The following FAM98C variants were observed in gnomAD, a reference collection of about 807,000 sequenced individuals.
The protein encoded by FAM98C is tRNA splicing ligase complex subunit 3C, also known as protein FAM98C.
Under a neutral mutation model 41.1 loss-of-function variants are expected in FAM98C, and 38 were observed. That is an observed-to-expected ratio of 0.92 (90% CI 0.71 to 1.21). The LOEUF is 1.21. FAM98C is among the 50% of genes most tolerant of loss of function. The pLI, the probability that FAM98C is intolerant of heterozygous loss-of-function variation, is 0.00. For synonymous variants in FAM98C, 195 were observed against 216.7 expected (o/e 0.90, Z 0.88); for missense variants, 493 against 484.7 (o/e 1.02, Z -0.16).
chr19:38,404,975 T>C lies in FAM98C; in HGVS notation c.417T>C (p.Pro139=). Residue 139 remains proline, a synonymous_variant, in exon 4 of 8, where the codon CCT becomes CCC. Transcript: ENST00000252530. ...LCLRSLLDPS[P]RPPLGEGVVE... ...TCCGCTCTCTGCTGGATCCGAGTCC[T>C]AGGCCACCCCTTGGTGAAGGGGTAG... The C allele has an allele frequency of 6.2e-7, 1 of 1,614,168 alleles. No homozygotes were observed. Among genetic ancestry groups the C allele is most frequent in the Non-Finnish European group, 8.5e-7 (1 of 1,180,032 alleles).
chr19:38,406,830 T>C (rs553019847), intron 6 of FAM98C, 80 bp from the exon 7 acceptor site: 2 of 1,452,080 alleles, frequency 1.4e-6, no homozygotes, highest in African/African-American at 2.8e-5. Context: ...TCTTGAATGG[T>C]AAAGTAATGC....
Position 38,403,265 on chromosome 19 carries a change from TG to T in FAM98C, c.65+48del, listed in dbSNP as rs1970990147. The T allele has an allele frequency of 3.9e-6, 6 of 1,536,666 alleles. No homozygotes were observed. The East Asian group carries it at 1.6e-4, about 40-fold the overall frequency. ...CTGGTGGGTGCAGGAAGGCCAGGTCTGCCCCCTGGACGCGGACGAAAAGGGA... is the reference window on the plus strand; with the variant it reads ...CTGGTGGGTGCAGGAAGGCCAGGTCTCCCCCTGGACGCGGACGAAAAGGGA... On this transcript the variant is annotated intron_variant, in intron 1 of 7. Transcript: ENST00000252530.
chr19:38,403,360 G>T lies in FAM98C; in HGVS notation c.88G>T (p.Ala30Ser), dbSNP rs1970992282. 2.7e-6 allele frequency: 4 copies of T among 1,469,010 alleles called. No individual in the cohort carries two copies. The East Asian group carries it at 1.1e-4, about 41-fold the overall frequency. The allele number at this position is 1,469,010 out of a possible 1,614,324, so 91.0% of individuals were successfully genotyped here. The change falls in exon 2 of 8, where the codon GCG becomes TCG. Residue 30 changes from alanine to serine, a missense_variant. By Grantham distance (99) the Ala-to-Ser change is moderately conservative (BLOSUM62 1). Coordinates refer to ENST00000252530, the MANE Select transcript of FAM98C (RefSeq NM_174905.4). Reference protein sequence around the residue: ...ALGYGGVPGAASRGASCPDFR... With the variant: ...ALGYGGVPGASSRGASCPDFR... ...CAGGTATGGAGGTGTCCCGGGGGCG[G>T]CGTCGCGGGGCGCCTCATGCCCAGA...
rs201635019 is a variant in FAM98C at position 38,405,402 on chromosome 19, C to T, written c.614C>T (p.Ser205Leu). The T allele has an allele frequency of 7.6e-4, 1,219 of 1,614,104 alleles. No homozygotes were observed. Among genetic ancestry groups the T allele is most frequent in the Non-Finnish European group, 9.6e-4 (1,128 of 1,180,012 alleles). ...PGSLQPLLSC[S>L]LDAPRWEALE... ...TCCCTGCAGCCCCTCCTCAGCTGCTCGCTAGATGCACCCAGATGGGTAAGA... is the reference window on the plus strand; with the variant it reads ...TCCCTGCAGCCCCTCCTCAGCTGCTTGCTAGATGCACCCAGATGGGTAAGA... Residue 205 changes from serine (S) to leucine (L), a missense_variant, in exon 5 of 8, where the codon TCG becomes TTG. Physicochemically the swap from Ser to Leu is moderately radical, Grantham distance 145 (BLOSUM62 -2). Transcript: ENST00000252530.
Position 38,409,049 on chromosome 19 carries a change from A to C in FAM98C, c.*167A>C. On this transcript the variant is annotated 3_prime_UTR_variant, in exon 8 of 8. Transcript: ENST00000252530. ...GCTCCCATTCACGTCAATACCAAGAACCATGTTCTCCAGAGAATAAATTTA... is the reference window on the plus strand; with the variant it reads ...GCTCCCATTCACGTCAATACCAAGACCCATGTTCTCCAGAGAATAAATTTA... 1.8e-6 allele frequency: 1 copy of C among 559,626 alleles called. No homozygotes were observed. Among genetic ancestry groups the C allele is most frequent in the Non-Finnish European group, 2.8e-6 (1 of 351,852 alleles). 34.7% of individuals were successfully genotyped at this position (559,626 alleles called of 1,614,324 possible).
At chr19:38,405,260 G>C (rs1971022548) in intron 4 of FAM98C, 84 bp from the exon 5 acceptor site, 2 of 1,531,810 alleles carry the variant, frequency 1.3e-6, no homozygotes, top group Non-Finnish European at 1.8e-6. Flanking sequence ...CTGTGGCCTA[G>C]GTCCTCAGGG....
chr19:38,406,250 C>T (rs1214671973), intron 6 of FAM98C: 1 of 152,560 alleles, frequency 6.6e-6, no homozygotes, highest in African/African-American at 2.4e-5. Flanking sequence ...CAACCTCCGC[C>T]TCCTGGGTTC....
chr19:38,407,265 T>C, intron 7 of FAM98C, 188 bp downstream of exon 7: 1 of 618,956 alleles, frequency 1.6e-6, no homozygotes, highest in Non-Finnish European at 2.8e-6. Context: ...CGTGGCTCCC[T>C]AATGATCTGA....
At position 38,408,832 on chromosome 19, in the gene FAM98C, G is replaced by A. The variant is rs1971096451; in HGVS notation, c.1000G>A (p.Glu334Lys). 6.2e-7 allele frequency: 1 copy of A among 1,607,090 alleles called. No individual in the cohort carries two copies. Among genetic ancestry groups the A allele is most frequent in the Non-Finnish European group, 8.5e-7 (1 of 1,177,970 alleles). ...PPMPTWRSRR[E>K]DGGPQCWGRK... The stretch of plus-strand genomic sequence containing the variant: ...CATGCCCACCTGGAGGAGCCGAAGA[G>A]AGGATGGAGGCCCCCAGTGTTGGGG... Residue 334 changes from glutamate to lysine, a missense_variant, in exon 8 of 8, where the codon GAG becomes AAG. Transcript: ENST00000252530.
At chr19:38,408,628 C>A in intron 7 of FAM98C, 123 bp from the exon 8 acceptor site, 1 of 1,265,188 alleles carries the variant, frequency 7.9e-7, no homozygotes, top group Non-Finnish European at 1.1e-6. Flanking sequence ...CTCCCCCAGC[C>A]ACTGTACTCA....
rs1338597910 is a variant in FAM98C, at chr19:38,407,008, C to T, written c.849C>T (p.Ala283=). ...ISIAHVLAAR[A]DLSCLVPATS... Reference sequence around the variant, plus strand: ...TTGCACACGTTCTGGCTGCCCGAGCCGACCTGTCTTGTCTCGTCCCAGCCA... The same window carrying T: ...TTGCACACGTTCTGGCTGCCCGAGCTGACCTGTCTTGTCTCGTCCCAGCCA... Residue 283 remains alanine (A), a synonymous_variant, in exon 7 of 8, where the codon GCC becomes GCT. Transcript: ENST00000252530. 3.7e-6 allele frequency: 6 copies of T among 1,614,064 alleles called. No homozygotes were observed. Among genetic ancestry groups the T allele is most frequent in the African/African-American group, 2.7e-5 (2 of 74,936 alleles).
chr19:38,405,540 C>G lies in FAM98C; in HGVS notation c.655C>G (p.Gln219Glu), dbSNP rs758194490. ...PRWEALESLS[Q>E]SLRDQYRCRR... ...CCAGGAAGCGTTGGAGTCTCTGTCC[C>G]AAAGCCTCAGAGATCAGTACCGCTG... The change falls in exon 6 of 8, where the codon CAA becomes GAA. Residue 219 changes from glutamine (Q) to glutamate (E), a missense_variant. By Grantham distance (29) the Gln-to-Glu change is conservative. Transcript: ENST00000252530. 6.2e-7 allele frequency: 1 copy of G among 1,614,194 alleles called. No individual in the cohort carries two copies. The highest frequency in any genetic ancestry group is 1.3e-5 in the African/African-American group (1 of 75,054).
rs1241389070 is a variant in FAM98C, at chr19:38,407,080, G to A, written c.918+3G>A. ...GGACCTGCTGTGCCATCAACAAGGT[G>A]GGCATCTGGGGTAGGGAAGGGCCCT... On this transcript the variant is annotated splice_donor_region_variant and intron_variant, in intron 7 of 7. Coordinates refer to ENST00000252530, the MANE Select transcript of FAM98C (RefSeq NM_174905.4). 1 of 1,612,248 alleles carries A rather than the reference G, an allele frequency of 6.2e-7. No individual in the cohort carries two copies. The highest frequency in any genetic ancestry group is 8.5e-7 in the Non-Finnish European group (1 of 1,178,746).
intron 3 of FAM98C, among the ~76,000 whole-genome samples, chr19:38,403,945 A>C (rs756396300): frequency 6.6e-5 from 10 of 152,102 alleles, no homozygotes; most frequent in Non-Finnish European, 5.9e-5. Flanking sequence ...TTGTTACCCA[A>C]GCTGGAGTGC....
Position 38,406,950 on chromosome 19 carries a change from G to T in FAM98C, c.791G>T (p.Arg264Leu). Reference protein sequence around the residue: ...EAMRAVLIPIREVLTPESDIS... With the variant: ...EAMRAVLIPILEVLTPESDIS... ...ATGAGGGCAGTGCTGATCCCAATTC[G>T]AGAGGTTCTGACCCCAGAATCGGAC... is the stretch of plus-strand genomic sequence containing the variant. Residue 264 changes from arginine (R) to leucine (L), a missense_variant, in exon 7 of 8, where the codon CGA (arginine) becomes CTA (leucine). Transcript: ENST00000252530. 1 of 1,614,152 alleles carries T rather than the reference G, an allele frequency of 6.2e-7. No individual in the cohort carries two copies. The highest frequency in any genetic ancestry group is 8.5e-7 in the Non-Finnish European group (1 of 1,180,028).
At position 38,404,925 on chromosome 19, in the gene FAM98C, C is replaced by T. The variant is rs769754971; in HGVS notation, c.367C>T (p.Leu123Phe). 1 of 1,614,182 alleles carries T rather than the reference C, an allele frequency of 6.2e-7. No individual in the cohort carries two copies. The highest frequency in any genetic ancestry group is 1.1e-5 in the South Asian group (1 of 91,090). ...ACTTTCAGGCTTTCTCTGCTCAGAG[C>T]TCCAAGCCACCCGCCTCCTGTGCCT... ...LRLLRFLCSE[L>F]QATRLLCLRS... Residue 123 changes from leucine to phenylalanine, a missense_variant, in exon 4 of 8, where the codon CTC becomes TTC. By Grantham distance (22) the Leu-to-Phe change is conservative (BLOSUM62 0). Coordinates refer to ENST00000252530, the MANE Select transcript of FAM98C (RefSeq NM_174905.4).
chr19:38,409,044 C>A lies in FAM98C; in HGVS notation c.*162C>A. On this transcript the variant is annotated 3_prime_UTR_variant, in exon 8 of 8. Coordinates refer to ENST00000252530, the MANE Select transcript of FAM98C (RefSeq NM_174905.4). The stretch of plus-strand genomic sequence containing the variant: ...GCCCTGCTCCCATTCACGTCAATAC[C>A]AAGAACCATGTTCTCCAGAGAATAA... The A allele has an allele frequency of 1.6e-6, 1 of 608,318 alleles. No individual in the cohort carries two copies. The highest frequency in any genetic ancestry group is 2.6e-6 in the Non-Finnish European group (1 of 384,814). The allele number at this position is 608,318 out of a possible 1,614,324, so 37.7% of individuals were successfully genotyped here.
intron 6 of FAM98C, chr19:38,406,380 T>G (rs993195945): frequency 6.5e-6 from 1 of 153,054 alleles, no homozygotes; most frequent in Non-Finnish European, 1.5e-5. Context: ...TAGGCTGGTC[T>G]CAAACTCCCA....
At chr19:38,404,776 G>A (rs1042506623) in intron 3 of FAM98C, 132 bp from the exon 4 acceptor site, 14 of 934,924 alleles carry the variant, frequency 1.5e-5, no homozygotes, top group South Asian at 1.1e-4. Context: ...TGATCCGCCC[G>A]CCTCTGCCTC....
Sources: allele counts gnomAD v4.1 joint callset (sites outside exome capture counted in the v4.1 genomes callset), GRCh38; gene constraint gnomAD v4.1.1; transcripts MANE v1.5; gene names NCBI Gene and HGNC (gene_info 2026-07-23, HGNC 2026-07-21).